The following TMTC2 variants were observed in gnomAD, a reference collection of about 807,000 sequenced individuals.
TMTC2 encodes the protein transmembrane O-mannosyltransferase targeting cadherins 2.
Under a neutral mutation model 82.4 loss-of-function variants are expected in TMTC2, and 43 were observed. That is an observed-to-expected ratio of 0.52 (90% CI 0.41 to 0.67). TMTC2 has a LOEUF of 0.67. Ranked by LOEUF, TMTC2 falls within the 30% of genes least tolerant of loss-of-function variation. The pLI, the probability that TMTC2 is intolerant of heterozygous loss-of-function variation, is 0.00. For missense variants in TMTC2, 919 were observed against 1,012.4 expected, an observed-to-expected ratio of 0.91 and a Z score of 1.25; for synonymous variants, 408 against 381.9, an observed-to-expected ratio of 1.07 and a Z score of -0.80.
At chr12:83,119,008 A>G (rs1383183042) in intron 11 of TMTC2, among the ~76,000 whole-genome samples, 6 of 151,714 alleles carry the variant, frequency 4.0e-5, no homozygotes, top group Non-Finnish European at 8.8e-5. Context: ...AATATCTTCT[A>G]TTTCATTTCT....
At chr12:82,809,605 T>C (rs1879396580) in intron 1 of TMTC2, among the ~76,000 whole-genome samples, 1 of 152,148 alleles carries the variant, frequency 6.6e-6, no homozygotes, top group South Asian at 2.1e-4. Flanking sequence ...CTGTTAGGTA[T>C]TCTCACAAAT....
At chr12:82,805,296 T>C (rs1199712267) in intron 1 of TMTC2, among the ~76,000 whole-genome samples, 2 of 152,110 alleles carry the variant, frequency 1.3e-5, no homozygotes, top group African/African-American at 4.8e-5. Context: ...TAGGCTAAAT[T>C]GTGGGAGCTA....
At chr12:83,045,727 G>GGGCTCACACACACACACGCACA (rs1437284307) in intron 9 of TMTC2, among the ~76,000 whole-genome samples, 1 of 142,452 alleles carries the variant, frequency 7.0e-6, no homozygotes, top group Non-Finnish European at 1.5e-5. Flanking sequence ...ACACACACAC[G>GGGCTCACACACACACACGCACA]CACACACACA....
At chr12:82,739,041 G>A (rs1223205698) in intron 1 of TMTC2, among the ~76,000 whole-genome samples, 2 of 151,596 alleles carry the variant, frequency 1.3e-5, no homozygotes, top group Non-Finnish European at 2.9e-5. Context: ...CCAGCTACTC[G>A]GGAGGCTGAG....
chr12:83,070,069 G>A (rs1883057354), intron 11 of TMTC2, among the ~76,000 whole-genome samples: 2 of 152,074 alleles, frequency 1.3e-5, no homozygotes, highest in African/African-American at 4.8e-5. Flanking sequence ...CCAGTACCAG[G>A]CTGTTTTGGT....
At chr12:83,081,458 G>T (rs1008943490) in intron 11 of TMTC2, among the ~76,000 whole-genome samples, 2 of 152,146 alleles carry the variant, frequency 1.3e-5, no homozygotes, top group Non-Finnish European at 2.9e-5. Context: ...TCACTCACTT[G>T]CCTGGCCGTT....
At position 82,876,049 on chromosome 12, in the gene TMTC2, T is replaced by C. The variant is rs1180320059; in HGVS notation, c.654+18469T>C. On this transcript the variant is annotated intron_variant, in intron 2 of 11. Coordinates refer to ENST00000321196, the MANE Select transcript of TMTC2 (RefSeq NM_152588.3). ...GTGGCGGTGGTGGTGGTGGTGGTGG[T>C]GGTGGTGGTGGTGGTGGTGATGATG... Among the ~76,000 whole-genome samples the C allele has an allele frequency of 1.3e-3, 149 of 117,928 alleles. 2 individuals are homozygous for C. Among genetic ancestry groups the C allele is most frequent in the African/African-American group, 3.2e-3 (96 of 29,690 alleles). 77.4% of individuals were successfully genotyped at this position (117,928 alleles called of 152,430 possible). A position where few individuals can be genotyped will look rare whatever the true frequency, so the allele number is the denominator to read the frequency against.
At chr12:82,844,197 A>G (rs991064162) in intron 1 of TMTC2, among the ~76,000 whole-genome samples, 2 of 152,104 alleles carry the variant, frequency 1.3e-5, no homozygotes, top group Non-Finnish European at 1.5e-5. Context: ...TACTTTTCCT[A>G]TTTACCCTAG....
chr12:82,866,799 C>T (rs939563903), intron 2 of TMTC2, among the ~76,000 whole-genome samples: 1 of 152,056 alleles, frequency 6.6e-6, no homozygotes, highest in Non-Finnish European at 1.5e-5. Flanking sequence ...GTTGATTTAT[C>T]GAATGAAATT....
intron 1 of TMTC2, among the ~76,000 whole-genome samples, chr12:82,798,668 G>A (rs140801843): frequency 1.0e-3 from 155 of 151,518 alleles, no homozygotes; most frequent in Non-Finnish European, 1.8e-3. Flanking sequence ...TTAGCTGGGC[G>A]TTGTGGTGGG....
chr12:83,006,478 C>T (rs1880210228), intron 8 of TMTC2, among the ~76,000 whole-genome samples: 1 of 151,932 alleles, frequency 6.6e-6, no homozygotes, highest in Non-Finnish European at 1.5e-5. Flanking sequence ...TTTTCTTAGT[C>T]TGGTTAAGAA....
chr12:82,998,799 GA>G (rs905054377), intron 8 of TMTC2, among the ~76,000 whole-genome samples: 18 of 151,138 alleles, frequency 1.2e-4, no homozygotes, highest in African/African-American at 3.6e-4. Flanking sequence ...ATTCCAACAT[GA>G]AAAAAAATAT....
chr12:82,841,056 A>G (rs1014906602), intron 1 of TMTC2, among the ~76,000 whole-genome samples: 1 of 152,196 alleles, frequency 6.6e-6, no homozygotes, highest in African/African-American at 2.4e-5. Flanking sequence ...CTAGGATTAC[A>G]GGTATGAGCC....
chr12:82,712,643 C>T (rs1161010513), intron 1 of TMTC2, among the ~76,000 whole-genome samples: 1 of 152,098 alleles, frequency 6.6e-6, no homozygotes, highest in Non-Finnish European at 1.5e-5. Context: ...GAGTCTGGCT[C>T]ACACATTCAG....
rs140808595 is a variant in TMTC2 at position 82,992,078 on chromosome 12, T to G, written c.2070+6032T>G. On this transcript the variant is annotated intron_variant, in intron 8 of 11. Transcript: ENST00000321196. ...TATTTTGGCTACGGCATGAGAGCAC[T>G]GAGCCAGACTCCTGTGTCTAGCCAA... Among the ~76,000 whole-genome samples the G allele has an allele frequency of 4.1e-3, 631 of 152,320 alleles. 5 individuals are homozygous for G. The highest frequency in any genetic ancestry group is 0.015 in the African/African-American group (608 of 41,574).
intron 4 of TMTC2, among the ~76,000 whole-genome samples, chr12:82,960,116 G>A (rs1488000018): frequency 6.6e-6 from 1 of 152,022 alleles, no homozygotes. Flanking sequence ...ACCACAGTGA[G>A]ATACCATCTC....
At chr12:82,969,101 C>A (rs1191234754) in intron 7 of TMTC2, among the ~76,000 whole-genome samples, 1 of 152,092 alleles carries the variant, frequency 6.6e-6, no homozygotes, top group Non-Finnish European at 1.5e-5. Context: ...GCTCCTAATA[C>A]ATTTTGATTA....
chr12:83,074,888 G>A (rs374830464), intron 11 of TMTC2, among the ~76,000 whole-genome samples: 63 of 152,252 alleles, frequency 4.1e-4, no homozygotes, highest in African/African-American at 1.4e-3. Context: ...AGTTCAGGCC[G>A]GGAGGCTTCA....
intron 11 of TMTC2, among the ~76,000 whole-genome samples, chr12:83,067,590 G>A (rs1378887807): frequency 6.6e-6 from 1 of 152,000 alleles, no homozygotes; most frequent in Non-Finnish European, 1.5e-5. Flanking sequence ...AATTATTTAA[G>A]TTATGGTCAT....
Sources: allele counts gnomAD v4.1 joint callset (sites outside exome capture counted in the v4.1 genomes callset), GRCh38; gene constraint gnomAD v4.1.1; transcripts MANE v1.5; gene names NCBI Gene and HGNC (gene_info 2026-07-23, HGNC 2026-07-21).